EGFL7: variants seen among roughly 807,000 people sequenced by gnomAD.
EGFL7 encodes the protein EGF like domain multiple 7.
A neutral mutation model predicts 37.1 loss-of-function variants in EGFL7; 48 were observed. That is an observed-to-expected ratio of 1.29 (90% confidence interval 1.03 to 1.65). EGFL7 has a LOEUF of 1.65. EGFL7 is among the 40% of genes most tolerant of loss of function. The pLI is 0.00. For missense variants in EGFL7, 384 were observed against 378.9 expected (o/e 1.01, Z -0.11); for synonymous variants, 180 against 156.8 (o/e 1.15, Z -1.10).
rs780273599 is a variant in EGFL7, at chr9:136,671,034, G to T, written c.636+20G>T. 1.4e-4 allele frequency: 179 copies of T among 1,261,102 alleles called. 4 individuals carry two copies. The highest frequency in any genetic ancestry group is 1.3e-3 in the South Asian group (94 of 72,154). 78.1% of individuals were successfully genotyped at this position (1,261,102 alleles called of 1,614,324 possible). A position where few individuals can be genotyped will look rare whatever the true frequency, so the allele number is the denominator to read the frequency against. ...GAGGAGGTGAGGCATTGGTGGGGGG[G>T]GGGGGGGGCAGGCAGTCCAGGGTGG... On this transcript the variant is annotated intron_variant, in intron 9 of 10. Coordinates refer to ENST00000308874, the MANE Select transcript of EGFL7 (RefSeq NM_016215.5).
In EGFL7 at chr9:136,668,617, T is replaced by C; in HGVS notation, c.141T>C (p.Arg47=). ...CTGTCTCCGAGTCGTTCGTGCAGCGTGTGTACCAGCCCTTCCTCACCACCT... is the reference window on the plus strand; with the variant it reads ...CTGTCTCCGAGTCGTTCGTGCAGCGCGTGTACCAGCCCTTCCTCACCACCT... The part of the protein sequence containing the change: ...GDPVSESFVQ[R]VYQPFLTTCD... The change falls in exon 5 of 11, where the codon CGT becomes CGC. Residue 47 remains arginine (R), a synonymous_variant. Coordinates refer to ENST00000308874, the MANE Select transcript of EGFL7 (RefSeq NM_016215.5). The C allele has an allele frequency of 6.2e-7, 1 of 1,607,716 alleles. No homozygotes were observed. Among genetic ancestry groups the C allele is most frequent in the Non-Finnish European group, 8.5e-7 (1 of 1,179,758 alleles).
intron 8 of EGFL7, chr9:136,670,570 C>T: frequency 1.3e-6 from 1 of 784,942 alleles, no homozygotes; most frequent in Non-Finnish European, 2.4e-6. Context: ...CTGTCTGCAT[C>T]CAGCGCAGCA....
rs1205254076 is a variant in EGFL7 at position 136,666,904 on chromosome 9, T to C, written c.-42-1337T>C. 3.3e-5 allele frequency among the ~76,000 whole-genome samples: 5 copies of C among 151,970 alleles called. No individual in the cohort carries two copies. The highest frequency in any genetic ancestry group is 3.3e-4 in the Admixed American group (5 of 15,274). ...CGACAAACTCCTGCCCAAAAACTGC[T>C]GTGATGCCCCCCCTGCCCCCAAGCT... On this transcript the variant is annotated intron_variant, in intron 3 of 10. Transcript: ENST00000308874. This position sits in a 1 kb window ranked among gnomAD's most constrained non-coding sequence, Gnocchi z 6.8.
At chr9:136,662,605 G>T (rs9411213), upstream of EGFL7, among the ~76,000 whole-genome samples, 89,448 of 151,998 alleles carry the variant, frequency 0.59, 26,957 homozygotes, top group East Asian at 0.81. Flanking sequence ...GTGAACCCAC[G>T]GTCCTGGGAG....
At chr9:136,671,062 C>T in intron 9 of EGFL7, 48 bp downstream of exon 9, 1 of 1,292,778 alleles carries the variant, frequency 7.7e-7, no homozygotes, top group South Asian at 1.4e-5. Context: ...CAGGGTGGAC[C>T]TGCTGGAGGA....
Position 136,670,244 on chromosome 9 carries a change from A to G in EGFL7, c.485A>G (p.Gln162Arg). The change falls in exon 8 of 11, where the codon CAG (glutamine) becomes CGG (arginine). Residue 162 changes from glutamine (Q) to arginine (R), a missense_variant. Transcript: ENST00000308874. Reference protein sequence around the residue: ...CVNTAGSYWCQCWEGHSLSAD... With the variant: ...CVNTAGSYWCRCWEGHSLSAD... ...AACACCGCCGGCAGTTACTGGTGCC[A>G]GTGTTGGGAGGGGCACAGCCTGTCT... 6.2e-7 allele frequency: 1 copy of G among 1,612,470 alleles called. No homozygotes were observed. Among genetic ancestry groups the G allele is most frequent in the Non-Finnish European group, 8.5e-7 (1 of 1,179,760 alleles).
At chr9:136,671,371 G>C (rs935148391) in intron 9 of EGFL7, among the ~76,000 whole-genome samples, 1 of 152,008 alleles carries the variant, frequency 6.6e-6, no homozygotes, top group Non-Finnish European at 1.5e-5. Flanking sequence ...GCCCAGGCCC[G>C]GGTACAGGCT....
Position 136,669,969 on chromosome 9 carries a change from C to T in EGFL7, c.369C>T (p.Cys123=), listed in dbSNP as rs201971038. The change falls in exon 7 of 11, where the codon TGC becomes TGT. Residue 123 remains cysteine (C), a synonymous_variant. Coordinates refer to ENST00000308874, the MANE Select transcript of EGFL7 (RefSeq NM_016215.5). ...NGGSCVQPGR[C]RCPAGWRGDT... ...GGAGCTGTGTCCAGCCTGGCCGCTG[C>T]CGCTGCCCTGCAGGATGGCGGGGTG... is the stretch of plus-strand genomic sequence containing the variant. 14 of 1,604,422 alleles carry T rather than the reference C, an allele frequency of 8.7e-6. No homozygotes were observed. The Admixed American group carries it at 1.9e-4, about 21-fold the overall frequency.
chr9:136,671,018 A>C lies in EGFL7; in HGVS notation c.636+4A>C. 2 of 340,332 alleles carry C rather than the reference A, an allele frequency of 5.9e-6. No individual in the cohort carries two copies. Among genetic ancestry groups the C allele is most frequent in the Non-Finnish European group, 4.7e-6 (1 of 211,194 alleles). 21.1% of individuals were successfully genotyped at this position (340,332 alleles called of 1,614,324 possible). On this transcript the variant is annotated splice_donor_region_variant and intron_variant, in intron 9 of 10. Coordinates refer to ENST00000308874, the MANE Select transcript of EGFL7 (RefSeq NM_016215.5). The stretch of plus-strand genomic sequence containing the variant: ...CAGGGTGGACCTGCTGGAGGAGGTG[A>C]GGCATTGGTGGGGGGGGGGGGGGGC...
In EGFL7 at chr9:136,668,257, G is replaced by T; in HGVS notation, c.-26G>T. Reference sequence around the variant, plus strand: ...GTGCCCCAGGCCACCCAGAGGAGAAGGCCACCCCGCCTGGAGGCACAGGCC... The same window carrying T: ...GTGCCCCAGGCCACCCAGAGGAGAATGCCACCCCGCCTGGAGGCACAGGCC... On this transcript the variant is annotated 5_prime_UTR_variant, in exon 4 of 11. It adds an upstream start codon to the 5' untranslated region. Transcript: ENST00000308874. The T allele has an allele frequency of 6.3e-7, 1 of 1,584,514 alleles. No homozygotes were observed. Among genetic ancestry groups the T allele is most frequent in the Non-Finnish European group, 8.6e-7 (1 of 1,165,320 alleles).
intron 9 of EGFL7, among the ~76,000 whole-genome samples, chr9:136,671,337 G>A (rs1001633529): frequency 2.0e-5 from 3 of 151,922 alleles, no homozygotes; most frequent in Admixed American, 2.0e-4. Context: ...CGTCGGCAGG[G>A]GGCAGGTCTT....
In EGFL7 at chr9:136,672,557, G is replaced by A; in HGVS notation, c.*271G>A. 1 of 586,564 alleles carries A rather than the reference G, an allele frequency of 1.7e-6. No homozygotes were observed. The highest frequency in any genetic ancestry group is 2.1e-5 in the South Asian group (1 of 48,682). 36.3% of individuals were successfully genotyped at this position (586,564 alleles called of 1,614,324 possible). On this transcript the variant is annotated 3_prime_UTR_variant, in exon 11 of 11. Transcript: ENST00000308874. Reference sequence around the variant, plus strand: ...AAGGCCAGGTGGGCCCTCAGCTGAGGGAAGGTACGAGCTCCCTGCTGGAGC... The same window carrying A: ...AAGGCCAGGTGGGCCCTCAGCTGAGAGAAGGTACGAGCTCCCTGCTGGAGC...
chr9:136,671,804 A>C, intron 9 of EGFL7, 122 bp from the exon 10 acceptor site: 1 of 1,303,276 alleles, frequency 7.7e-7, no homozygotes, highest in African/African-American at 1.5e-5. Context: ...GGACACTTGG[A>C]GCCCTGCCGC....
At chr9:136,661,252 T>C (rs560271023), upstream of EGFL7, among the ~76,000 whole-genome samples, 1 of 152,240 alleles carries the variant, frequency 6.6e-6, no homozygotes, top group East Asian at 1.9e-4. Context: ...CCTGGGGGAC[T>C]GGGCCCGGCC....
At chr9:136,668,101 T>C in intron 3 of EGFL7, 140 bp from the exon 4 acceptor site, 2 of 559,224 alleles carry the variant, frequency 3.6e-6, no homozygotes, top group Non-Finnish European at 3.1e-6. Flanking sequence ...GAGGAGAGAG[T>C]GGGCGCCACC....
chr9:136,668,511 G>T (rs1195146800), intron 4 of EGFL7, 46 bp from the exon 5 acceptor site: 9 of 1,585,508 alleles, frequency 5.7e-6, no homozygotes, highest in Non-Finnish European at 7.7e-6. Context: ...TCATTCTTGG[G>T]TCCTGCTCTG....
upstream of EGFL7, chr9:136,659,413 C>T (rs4880062): frequency 0.12 from 18,362 of 152,820 alleles, 1,222 homozygotes; most frequent in South Asian, 0.19. Flanking sequence ...TCCTCCTGCA[C>T]CTCCTGCAGC....
chr9:136,661,313 AGGCTGGCCAGGGCAGGATGAG>A (rs1845132083), upstream of EGFL7, among the ~76,000 whole-genome samples: 1 of 152,002 alleles, frequency 6.6e-6, no homozygotes, highest in African/African-American at 2.4e-5. Flanking sequence ...CTGGAGGGAC[AGGCTGGCCAGGGCAGGATGAG>A]CCCCTGGGTG....
At chr9:136,672,152 A>C (rs771541911) in intron 10 of EGFL7, 64 bp downstream of exon 10, 4 of 1,581,572 alleles carry the variant, frequency 2.5e-6, no homozygotes, top group Non-Finnish European at 3.4e-6. Context: ...TAGAGGGGCT[A>C]CCCAGGCTTG....
Sources: allele counts gnomAD v4.1 joint callset (sites outside exome capture counted in the v4.1 genomes callset), GRCh38; gene constraint gnomAD v4.1.1; non-coding constraint Gnocchi (gnomAD v3.1); transcripts MANE v1.5; gene names NCBI Gene and HGNC (gene_info 2026-07-23, HGNC 2026-07-21).